The following IQGAP2 variants were observed in gnomAD, a reference collection of about 807,000 sequenced individuals.
IQGAP2 encodes the protein IQ motif containing GTPase activating protein 2.
IQGAP2 carries 173 observed loss-of-function variants against 201.3 expected under a neutral mutation model. The ratio of observed to expected loss-of-function variants is 0.86; its 90% CI spans 0.76 to 0.98. The LOEUF (loss-of-function observed/expected upper bound fraction) is 0.98, where lower values mean the gene tolerates loss of function less well. Ranked by LOEUF, IQGAP2 falls within the 50% of genes least tolerant of loss-of-function variation. The pLI is 0.00. For missense variants in IQGAP2, 1,687 were observed against 1,864.8 expected, an observed-to-expected ratio of 0.90 and a Z score of 1.76; for synonymous variants, 675 against 673.9, an observed-to-expected ratio of 1.00 and a Z score of -0.03.
chr5:76,589,224 A>G (rs557727943), intron 6 of IQGAP2, among the ~76,000 whole-genome samples: 1 of 151,630 alleles, frequency 6.6e-6, no homozygotes. Flanking sequence ...AGGCAGGAGA[A>G]TGGCGTGAAC....
chr5:76,553,882 G>A (rs1743731360), intron 2 of IQGAP2, among the ~76,000 whole-genome samples: 1 of 152,124 alleles, frequency 6.6e-6, no homozygotes, highest in South Asian at 2.1e-4. Context: ...TGGGGAAGGG[G>A]GAATATTCTG....
At chr5:76,692,631 G>A (rs905418427) in intron 30 of IQGAP2, among the ~76,000 whole-genome samples, 3 of 152,110 alleles carry the variant, frequency 2.0e-5, no homozygotes, top group East Asian at 1.9e-4. Context: ...AGAGAACTAC[G>A]GTTTTCGTAC....
intron 1 of IQGAP2, among the ~76,000 whole-genome samples, chr5:76,429,628 A>G (rs1368498920): frequency 1.4e-5 from 2 of 146,006 alleles, no homozygotes; most frequent in African/African-American, 2.5e-5. Flanking sequence ...ATATAAATTT[A>G]TATATATACA....
At position 76,493,614 on chromosome 5, in the gene IQGAP2, T is replaced by C. The variant is rs188278954; in HGVS notation, c.146+31945T>C. ...CACACTGCTCCCCCCACCCCATAGG[T>C]GGCTCTTTTTTTGGAATTAATTAAT... On this transcript the variant is annotated intron_variant, in intron 2 of 35. Coordinates refer to ENST00000274364, the MANE Select transcript of IQGAP2 (RefSeq NM_006633.5). 6.1e-3 allele frequency among the ~76,000 whole-genome samples: 923 copies of C among 152,286 alleles called. 6 individuals carry two copies. Among genetic ancestry groups the C allele is most frequent in the African/African-American group, 0.021 (857 of 41,564 alleles).
Position 76,671,826 on chromosome 5 carries a change from T to C in IQGAP2, c.2911T>C (p.Phe971Leu), listed in dbSNP as rs1488135216. 6.2e-7 allele frequency: 1 copy of C among 1,614,116 alleles called. No homozygotes were observed. The highest frequency in any genetic ancestry group is 8.5e-7 in the Non-Finnish European group (1 of 1,180,002). ...TACAGTCATCAAGATGGTCGTCAGC[T>C]TCAATAGAGGTGCCCGGGGACAGAA... Reference protein sequence around the residue: ...NPTVIKMVVSFNRGARGQNTL... With the variant: ...NPTVIKMVVSLNRGARGQNTL... The change falls in exon 24 of 36, where the codon TTC (phenylalanine) becomes CTC (leucine). Residue 971 changes from phenylalanine to leucine, a missense_variant. By Grantham distance (22) the Phe-to-Leu change is conservative. Coordinates refer to ENST00000274364, the MANE Select transcript of IQGAP2 (RefSeq NM_006633.5).
At chr5:76,484,180 C>G (rs1174460395) in intron 2 of IQGAP2, among the ~76,000 whole-genome samples, 1 of 151,740 alleles carries the variant, frequency 6.6e-6, no homozygotes, top group Non-Finnish European at 1.5e-5. Context: ...AAGCTAAGCC[C>G]CATAGAAAGA....
intron 13 of IQGAP2, among the ~76,000 whole-genome samples, chr5:76,612,651 A>G (rs553410867): frequency 1.3e-4 from 20 of 151,668 alleles, no homozygotes; most frequent in Middle Eastern, 6.8e-3. Flanking sequence ...TTTGTTTGCA[A>G]TCACAAAACA....
chr5:76,438,008 GTTTTTTTT>G (rs768892670), intron 1 of IQGAP2, among the ~76,000 whole-genome samples: 15 of 91,048 alleles, frequency 1.6e-4, no homozygotes, highest in Non-Finnish European at 3.0e-4. Flanking sequence ...TTGGTCTGTA[GTTTTTTTT>G]TTTTTTTTTT....
intron 2 of IQGAP2, among the ~76,000 whole-genome samples, chr5:76,515,178 C>T (rs1042089302): frequency 1.3e-5 from 2 of 152,190 alleles, no homozygotes; most frequent in Non-Finnish European, 2.9e-5. Flanking sequence ...AAAAGAAGGG[C>T]ACGTACTTAT....
chr5:76,649,291 C>T (rs539223483), intron 17 of IQGAP2, among the ~76,000 whole-genome samples: 1 of 152,168 alleles, frequency 6.6e-6, no homozygotes, highest in East Asian at 1.9e-4. Context: ...AACAAGGCAC[C>T]CAGACACTTG....
chr5:76,577,528 T>G (rs148191693), intron 5 of IQGAP2, among the ~76,000 whole-genome samples: 220 of 152,340 alleles, frequency 1.4e-3, no homozygotes, highest in African/African-American at 5.0e-3. Flanking sequence ...AAAAGCAATA[T>G]TTATTTAGTA....
intron 2 of IQGAP2, among the ~76,000 whole-genome samples, chr5:76,476,323 G>C (rs963861964): frequency 6.6e-6 from 1 of 152,116 alleles, no homozygotes; most frequent in African/African-American, 2.4e-5. Flanking sequence ...GAAGAGTGAA[G>C]CCCTGAGAAG....
intron 2 of IQGAP2, among the ~76,000 whole-genome samples, chr5:76,511,893 G>A (rs1757990874): frequency 6.6e-6 from 1 of 151,958 alleles, no homozygotes; most frequent in Non-Finnish European, 1.5e-5. Flanking sequence ...TTTTAGCCAG[G>A]ATGGTCTCGA....
intron 2 of IQGAP2, among the ~76,000 whole-genome samples, chr5:76,558,350 A>G (rs1179803395): frequency 2.0e-5 from 3 of 152,094 alleles, no homozygotes; most frequent in Non-Finnish European, 4.4e-5. Context: ...AAGCATTCAT[A>G]TATTTTTGTG....
At chr5:76,666,635 A>G (rs1743779643) in intron 22 of IQGAP2, among the ~76,000 whole-genome samples, 1 of 152,230 alleles carries the variant, frequency 6.6e-6, no homozygotes, top group African/African-American at 2.4e-5. Flanking sequence ...TTGAAATCAT[A>G]TATTTTTCTT....
intron 4 of IQGAP2, among the ~76,000 whole-genome samples, chr5:76,573,631 A>C (rs1745266894): frequency 6.6e-6 from 1 of 152,230 alleles, no homozygotes; most frequent in Non-Finnish European, 1.5e-5. Flanking sequence ...TTGTTTTTTG[A>C]GACGGAGTCT....
At chr5:76,621,595 C>A (rs997148505) in intron 13 of IQGAP2, among the ~76,000 whole-genome samples, 10 of 152,124 alleles carry the variant, frequency 6.6e-5, no homozygotes, top group Admixed American at 6.5e-4. Flanking sequence ...AGTGTTTGTC[C>A]GTTTTCAGAA....
At chr5:76,472,893 T>C (rs117754291) in intron 2 of IQGAP2, among the ~76,000 whole-genome samples, 1,762 of 152,308 alleles carry the variant, frequency 0.012, 87 homozygotes, top group Admixed American at 0.078. Context: ...AAATGTACTT[T>C]ACTCACAAGG....
At chr5:76,610,115 T>TATATATATATATA (rs1748238753) in intron 12 of IQGAP2, among the ~76,000 whole-genome samples, 1 of 10,982 alleles carries the variant, frequency 9.1e-5, no homozygotes, top group African/African-American at 3.5e-4. Context: ...TATATATATA[T>TATATATATATATA]TTTTTTTTTT....
Sources: allele counts gnomAD v4.1 joint callset (sites outside exome capture counted in the v4.1 genomes callset), GRCh38; gene constraint gnomAD v4.1.1; transcripts MANE v1.5; gene names NCBI Gene and HGNC (gene_info 2026-07-23, HGNC 2026-07-21).